The following CD109 variants were observed in gnomAD, a reference collection of about 807,000 sequenced individuals.
CD109 encodes the protein CD109 antigen.
Under a neutral mutation model 165.8 loss-of-function variants are expected in CD109, and 149 were observed. That is an observed-to-expected ratio of 0.90 (90% CI 0.79 to 1.03). CD109 has a LOEUF of 1.03. CD109 is among the 50% of genes least tolerant of loss of function. The pLI is 0.00. For synonymous variants in CD109, 585 were observed against 592.1 expected, an observed-to-expected ratio of 0.99 and a Z score of 0.18; for missense variants, 1,712 against 1,677.8, an observed-to-expected ratio of 1.02 and a Z score of -0.36.
In CD109 at chr6:73,812,279, C is replaced by T. The variant is rs184904762; in HGVS notation, c.3768+9C>T. The T allele has an allele frequency of 2.4e-4, 372 of 1,568,364 alleles. 1 individual carries two copies. In the African/African-American group the frequency reaches 3.6e-3, roughly 15 times the overall value. ...GATTTGCTATTTGTCAGGTATGTAA[C>T]GATGCTTATTTTTTTAAGTTAAATA... On this transcript the variant is annotated intron_variant, in intron 29 of 32. Transcript: ENST00000287097.
At chr6:73,728,304 C>T (rs1482589168) in intron 3 of CD109, among the ~76,000 whole-genome samples, 3 of 151,956 alleles carry the variant, frequency 2.0e-5, no homozygotes, top group Admixed American at 6.6e-5. Context: ...AGCAAGAGTT[C>T]GTCTCAAAAC....
the CD109 span, among the ~76,000 whole-genome samples, chr6:73,684,709 G>C: frequency 6.6e-6 from 1 of 151,624 alleles, no homozygotes; most frequent in East Asian, 1.9e-4. Flanking sequence ...TTTAGAGACA[G>C]GATCTTACTC....
intron 24 of CD109, among the ~76,000 whole-genome samples, chr6:73,804,425 G>T (rs1490862515): frequency 2.0e-5 from 3 of 152,176 alleles, no homozygotes; most frequent in South Asian, 2.1e-4. Context: ...CAGGCATTTT[G>T]GGCCACGTAG....
At chr6:73,750,728 C>G (rs1405553490) in intron 5 of CD109, among the ~76,000 whole-genome samples, 2 of 152,108 alleles carry the variant, frequency 1.3e-5, no homozygotes, top group African/African-American at 4.8e-5. Flanking sequence ...TATGGTATTC[C>G]TATTCTTACT....
At chr6:73,699,884 C>T (rs1458290719) in intron 2 of CD109, among the ~76,000 whole-genome samples, 7 of 152,188 alleles carry the variant, frequency 4.6e-5, no homozygotes, top group African/African-American at 1.7e-4. Flanking sequence ...CAGATGCTTC[C>T]TGTAATGTGA....
chr6:73,779,699 T>A (rs1329203735), intron 15 of CD109, among the ~76,000 whole-genome samples: 1 of 152,182 alleles, frequency 6.6e-6, no homozygotes, highest in Admixed American at 6.5e-5. Context: ...CATACAAGTA[T>A]CTCTTGGAGT....
At chr6:73,708,332 C>T (rs868612453) in intron 2 of CD109, among the ~76,000 whole-genome samples, 6 of 152,252 alleles carry the variant, frequency 3.9e-5, no homozygotes, top group African/African-American at 1.4e-4. Flanking sequence ...ATGAACTCAT[C>T]ATTTTTTATG....
At chr6:73,817,876 T>A (rs1866092) in intron 30 of CD109, among the ~76,000 whole-genome samples, 88,980 of 151,912 alleles carry the variant, frequency 0.59, 26,886 homozygotes, top group African/African-American at 0.74. Flanking sequence ...AACAAAGGGA[T>A]GGCTTCTCCC....
intron 23 of CD109, among the ~76,000 whole-genome samples, chr6:73,797,476 G>T (rs2150278628): frequency 6.6e-6 from 1 of 152,306 alleles, no homozygotes; most frequent in South Asian, 2.1e-4. Context: ...CACAAGTATG[G>T]CTAGTGGCCA....
intron 2 of CD109, among the ~76,000 whole-genome samples, chr6:73,713,442 G>T (rs1316138837): frequency 6.6e-6 from 1 of 151,888 alleles, no homozygotes; most frequent in East Asian, 1.9e-4. Flanking sequence ...TAATAGAGAT[G>T]GGGTCACACG....
chr6:73,828,290 A>G lies in CD109; in HGVS notation c.*4657A>G, dbSNP rs1010806222. ...ATTCAATAGAAAATCATGATTTATT[A>G]ATAAAAGCTTAAATTCTCATCTATT... On this transcript the variant is annotated 3_prime_UTR_variant, in exon 33 of 33. Coordinates refer to ENST00000287097, the MANE Select transcript of CD109 (RefSeq NM_133493.5). 2.0e-5 allele frequency: 3 copies of G among 152,642 alleles called. No individual in the cohort carries two copies. Among genetic ancestry groups the G allele is most frequent in the Non-Finnish European group, 2.9e-5 (2 of 68,168 alleles). The allele number at this position is 152,642 out of a possible 1,614,324, so 9.5% of individuals were successfully genotyped here.
intron 3 of CD109, among the ~76,000 whole-genome samples, chr6:73,729,644 G>C (rs746025591): frequency 6.6e-6 from 1 of 151,952 alleles, no homozygotes; most frequent in African/African-American, 2.4e-5. Context: ...TCCCGGAGTA[G>C]CTGGGACTAC....
intron 22 of CD109, among the ~76,000 whole-genome samples, chr6:73,791,164 T>TACACACATACAC (rs1219819849): frequency 1.9e-4 from 12 of 64,096 alleles, no homozygotes; most frequent in African/African-American, 8.8e-4. Context: ...TATATATATA[T>TACACACATACAC]ATATATATAT....
intron 27 of CD109, among the ~76,000 whole-genome samples, 155 bp from the exon 28 acceptor site, chr6:73,810,837 C>T (rs1219488860): frequency 6.6e-6 from 1 of 152,180 alleles, no homozygotes; most frequent in East Asian, 1.9e-4. Context: ...TGAGCCTCTC[C>T]TGTACTCTAG....
chr6:73,688,796 G>GTC, the CD109 span, among the ~76,000 whole-genome samples: 1 of 129,080 alleles, frequency 7.7e-6, no homozygotes, highest in Non-Finnish European at 1.6e-5. Flanking sequence ...TTGAGACAGG[G>GTC]TCTCCTTCTG....
In CD109 at chr6:73,723,261, G is replaced by A; in HGVS notation, c.258G>A (p.Lys86=). 6.2e-7 allele frequency: 1 copy of A among 1,612,822 alleles called. No individual in the cohort carries two copies. The highest frequency in any genetic ancestry group is 8.5e-7 in the Non-Finnish European group (1 of 1,179,560). The change falls in exon 3 of 33, where the codon AAG becomes AAA. Residue 86 remains lysine (K), a synonymous_variant. Coordinates refer to ENST00000287097, the MANE Select transcript of CD109 (RefSeq NM_133493.5). ...CTGTTTTCCTTGTAGGCTCTTTTAA[G>A]ACACTTACTCTTCCATCAGTAAGTA... ...AEGVFEKGSF[K]TLTLPSLPLN... is the part of the protein sequence containing the mutation.
chr6:73,711,534 G>GTT (rs765302167), intron 2 of CD109, among the ~76,000 whole-genome samples: 1 of 23,490 alleles, frequency 4.3e-5, no homozygotes, highest in African/African-American at 5.8e-5. Flanking sequence ...CGTACTTTAA[G>GTT]TTTTTTTTTT....
intron 22 of CD109, among the ~76,000 whole-genome samples, chr6:73,791,990 T>C (rs1487209510): frequency 1.3e-5 from 2 of 152,238 alleles, no homozygotes; most frequent in South Asian, 2.1e-4. Flanking sequence ...TCAGCCTTCA[T>C]ATTTCTGAAT....
chr6:73,785,666 A>C (rs1469050211), intron 20 of CD109, among the ~76,000 whole-genome samples, 189 bp downstream of exon 20: 1 of 152,180 alleles, frequency 6.6e-6, no homozygotes, highest in Non-Finnish European at 1.5e-5. Context: ...TATCATTAGC[A>C]TGTCTACACA....
Sources: gnomAD v4.1 joint callset for allele counts (sites outside exome capture counted in the v4.1 genomes callset) on GRCh38, gnomAD v4.1.1 for gene constraint, MANE v1.5 for transcripts, NCBI Gene and HGNC (gene_info 2026-07-23, HGNC 2026-07-21) for gene names.